Variants in ATP8B1 observed in about 807,000 individuals in gnomAD.
ATP8B1 encodes ATPase phospholipid transporting 8B1.
ATP8B1 carries 80 observed loss-of-function variants against 149.9 expected under a neutral mutation model. The ratio of observed to expected loss-of-function variants is 0.53; its 90% CI spans 0.45 to 0.64. The LOEUF (loss-of-function observed/expected upper bound fraction) is 0.64. ATP8B1 is among the 30% of genes least tolerant of loss of function. The probability of loss-of-function intolerance (pLI) is 0.00; values close to 1 mark genes in which losing one functional copy is unlikely to be tolerated. For missense variants in ATP8B1, 1,247 were observed against 1,552.6 expected, an observed-to-expected ratio of 0.80 and a Z score of 3.31; for synonymous variants, 536 against 562.8, an observed-to-expected ratio of 0.95 and a Z score of 0.67.
chr18:57,764,836 G>A (rs2080196253), intron 1 of ATP8B1, among the ~76,000 whole-genome samples: 1 of 150,680 alleles, frequency 6.6e-6, no homozygotes, highest in African/African-American at 2.4e-5. Context: ...TGCACTGCCA[G>A]TGGGAATATA....
At chr18:57,702,857 C>CAAAAAAAAAA (rs34058171) in intron 4 of ATP8B1, among the ~76,000 whole-genome samples, 1 of 125,108 alleles carries the variant, frequency 8.0e-6, no homozygotes. Context: ...AACTCCATCT[C>CAAAAAAAAAA]AAAAAAAAAA....
rs930670981 is a variant in ATP8B1 at position 57,784,430 on chromosome 18, A to C, written c.-26+18568T>G. On this transcript the variant is annotated intron_variant, in intron 1 of 27. Transcript: ENST00000648908. The surrounding 1 kb of genome is among the most constrained non-coding windows in gnomAD (Gnocchi z 4.4). The stretch of plus-strand genomic sequence containing the variant: ...GAGGATGACAGCTTGAACCTCGCGG[A>C]TGGCAGCGGAGATAGAGGTTATCAG... Among the ~76,000 whole-genome samples the C allele has an allele frequency of 6.6e-6, 1 of 152,126 alleles. No individual in the cohort carries two copies. The highest frequency in any genetic ancestry group is 1.5e-5 in the Non-Finnish European group (1 of 68,014).
At chr18:57,716,464 A>G (rs983515003) in intron 2 of ATP8B1, among the ~76,000 whole-genome samples, 1 of 152,116 alleles carries the variant, frequency 6.6e-6, no homozygotes, top group Admixed American at 6.6e-5. Context: ...CAGACACTCC[A>G]CCTGGACTGA....
At chr18:57,736,486 G>T in intron 1 of ATP8B1, among the ~76,000 whole-genome samples, 1 of 115,148 alleles carries the variant, frequency 8.7e-6, no homozygotes, top group Non-Finnish European at 1.8e-5. Flanking sequence ...TTGAGAGAAG[G>T]GTTTCACTCT....
At chr18:57,654,173 G>T in intron 23 of ATP8B1, 98 bp from the exon 24 acceptor site, 1 of 1,142,224 alleles carries the variant, frequency 8.8e-7, no homozygotes, top group Non-Finnish European at 1.3e-6. Flanking sequence ...CATTTTGTTT[G>T]TTTGTTTGTT....
intron 1 of ATP8B1, among the ~76,000 whole-genome samples, chr18:57,793,911 A>G (rs1011079103): frequency 2.0e-5 from 3 of 152,186 alleles, no homozygotes; most frequent in Non-Finnish European, 2.9e-5. Context: ...AAGGTTCTCA[A>G]ATTGACTTTT....
At chr18:57,794,409 C>T (rs184668976) in intron 1 of ATP8B1, among the ~76,000 whole-genome samples, 23 of 145,984 alleles carry the variant, frequency 1.6e-4, no homozygotes, top group Middle Eastern at 3.6e-3. Flanking sequence ...CAGTCTGTAA[C>T]TGACCTTTTG....
chr18:57,692,425 ATTTTTTTTTTTTTTTT>A (rs10547283), intron 11 of ATP8B1, among the ~76,000 whole-genome samples: 4 of 57,040 alleles, frequency 7.0e-5, no homozygotes, highest in East Asian at 6.8e-4. Flanking sequence ...TATTCAACAG[ATTTTTTTTTTTTTTTT>A]TTTTTTTTTT....
At chr18:57,736,483 A>G (rs654798) in intron 1 of ATP8B1, among the ~76,000 whole-genome samples, 128,374 of 131,460 alleles carry the variant, frequency 0.98, 62,762 homozygotes, top group East Asian at 1. Context: ...TTTTTGAGAG[A>G]AGGGTTTCAC....
chr18:57,713,587 T>C (rs1290626450), intron 2 of ATP8B1, among the ~76,000 whole-genome samples: 1 of 151,558 alleles, frequency 6.6e-6, no homozygotes, highest in East Asian at 1.9e-4. Flanking sequence ...ACCTACCGGG[T>C]TCAAGCAATT....
chr18:57,659,753 T>C (rs769180365), intron 22 of ATP8B1: 5 of 152,010 alleles, frequency 3.3e-5, no homozygotes, highest in Non-Finnish European at 7.3e-5. Context: ...GTCATACAGC[T>C]GACTCCTGTT....
Position 57,794,463 on chromosome 18 carries a change from TAAAA to T in ATP8B1, c.-26+8531_-26+8534del, listed in dbSNP as rs58976028. On this transcript the variant is annotated intron_variant, in intron 1 of 27. Transcript: ENST00000648908. Reference sequence around the variant, plus strand: ...CCTAAGGGGAAAAACAACCTGACATTAAAAAAAAAAAAAAAAAAAAAAGTCAATT... The same window carrying T: ...CCTAAGGGGAAAAACAACCTGACATTAAAAAAAAAAAAAAAAAAGTCAATT... Among the ~76,000 whole-genome samples, 83 of 110,450 alleles carry T rather than the reference TAAAA, an allele frequency of 7.5e-4. 1 individual carries two copies. The highest frequency in any genetic ancestry group is 5.4e-3 in the Middle Eastern group (1 of 186). The allele number at this position is 110,450 out of a possible 152,430, so 72.5% of individuals were successfully genotyped here. A position where few individuals can be genotyped will look rare whatever the true frequency, so the allele number is the denominator to read the frequency against.
chr18:57,801,019 T>C (rs2080567895), intron 1 of ATP8B1, among the ~76,000 whole-genome samples: 1 of 152,214 alleles, frequency 6.6e-6, no homozygotes. Flanking sequence ...CCATTTGCTG[T>C]ACCACATTAT....
rs28588686 is a variant in ATP8B1, at chr18:57,688,063, C to A, written c.1429+236G>T. Among the ~76,000 whole-genome samples the A allele has an allele frequency of 0.39, 58,806 of 151,964 alleles. 13,215 individuals carry two copies. Among genetic ancestry groups the A allele is most frequent in the African/African-American group, 0.63 (26,073 of 41,438 alleles). ...CTCCCAAAGTGCTGGGATTACAGGCCTGAGCCACCACGCCTGGCTGTGAGC... is the reference window on the plus strand; with the variant it reads ...CTCCCAAAGTGCTGGGATTACAGGCATGAGCCACCACGCCTGGCTGTGAGC... On this transcript the variant is annotated intron_variant, in intron 13 of 27. Coordinates refer to ENST00000648908, the MANE Select transcript of ATP8B1 (RefSeq NM_001374385.1).
chr18:57,731,994 A>T, intron 1 of ATP8B1, 162 bp from the exon 2 acceptor site: 1 of 673,570 alleles, frequency 1.5e-6, no homozygotes. Context: ...AGACAAGAAC[A>T]AAACCATTCA....
chr18:57,765,324 G>A (rs2080200182), intron 1 of ATP8B1, among the ~76,000 whole-genome samples: 1 of 152,190 alleles, frequency 6.6e-6, no homozygotes, highest in South Asian at 2.1e-4. Flanking sequence ...GTGGATGGCG[G>A]TGATGGCTGC....
intron 20 of ATP8B1, among the ~76,000 whole-genome samples, chr18:57,665,897 T>C (rs1910825306): frequency 6.6e-6 from 1 of 152,054 alleles, no homozygotes; most frequent in African/African-American, 2.4e-5. Context: ...GCATGGCTTA[T>C]GTACCTCTAT....
At chr18:57,783,473 G>A (rs77529573) in intron 1 of ATP8B1, among the ~76,000 whole-genome samples, 2 of 151,922 alleles carry the variant, frequency 1.3e-5, no homozygotes, top group Non-Finnish European at 2.9e-5. Flanking sequence ...TAAAAATATC[G>A]AATATGCCTG....
intron 1 of ATP8B1, among the ~76,000 whole-genome samples, chr18:57,782,197 C>T (rs980149536): frequency 6.6e-6 from 1 of 152,190 alleles, no homozygotes; most frequent in African/African-American, 2.4e-5. Context: ...AGAAGCCCTG[C>T]TGTCTATAGA....
Sources: gnomAD v4.1 joint callset for allele counts (sites outside exome capture counted in the v4.1 genomes callset) on GRCh38, gnomAD v4.1.1 for gene constraint, Gnocchi (gnomAD v3.1) non-coding constraint, MANE v1.5 for transcripts, NCBI Gene and HGNC (gene_info 2026-07-23, HGNC 2026-07-21) for gene names.